Variants in THADA observed in about 807,000 individuals in gnomAD.
THADA encodes the protein THADA armadillo repeat containing.
In THADA, 213 loss-of-function variants were observed where a neutral mutation model predicts 219.8. The ratio of observed to expected loss-of-function variants is 0.97; its 90% CI spans 0.87 to 1.09. The LOEUF (loss-of-function observed/expected upper bound fraction) is 1.09, where lower values mean the gene tolerates loss of function less well. THADA is among the 50% of genes least tolerant of loss of function. The pLI, the probability that THADA is intolerant of heterozygous loss-of-function variation, is 0.00. For synonymous variants in THADA, 1,018 were observed against 828.9 expected (o/e 1.23, Z -3.92); for missense variants, 2,956 against 2,311.3 (o/e 1.28, Z -5.72).
intron 26 of THADA, among the ~76,000 whole-genome samples, chr2:43,472,763 T>C (rs1176425466): frequency 1.3e-5 from 2 of 152,200 alleles, no homozygotes; most frequent in East Asian, 1.9e-4. Flanking sequence ...ACCCATTACA[T>C]AGCTAGGCTA....
intron 26 of THADA, among the ~76,000 whole-genome samples, chr2:43,449,934 TC>T (rs1317702961): frequency 1.3e-5 from 2 of 152,108 alleles, no homozygotes; most frequent in African/African-American, 4.8e-5. Context: ...TGGCAAACGG[TC>T]CTTCAACTGT....
At chr2:43,435,806 A>G (rs1400733103) in intron 26 of THADA, among the ~76,000 whole-genome samples, 1 of 149,688 alleles carries the variant, frequency 6.7e-6, no homozygotes, top group Non-Finnish European at 1.5e-5. Context: ...AAAAAGAAAG[A>G]AAAGAAAAAA....
chr2:43,568,030 TG>T (rs556735216), intron 14 of THADA, among the ~76,000 whole-genome samples: 17 of 150,414 alleles, frequency 1.1e-4, no homozygotes, highest in Admixed American at 1.0e-3. Flanking sequence ...CTACTGGGGG[TG>T]GGGGGGAGAA....
At chr2:43,396,427 C>T (rs1674048543) in intron 29 of THADA, among the ~76,000 whole-genome samples, 1 of 152,148 alleles carries the variant, frequency 6.6e-6, no homozygotes, top group Admixed American at 6.5e-5. Flanking sequence ...TCCTTGGCTC[C>T]TTCAAGGCAA....
intron 29 of THADA, among the ~76,000 whole-genome samples, chr2:43,361,579 T>C (rs549797679): frequency 5.6e-4 from 85 of 152,350 alleles, no homozygotes; most frequent in African/African-American, 1.9e-3. Context: ...ATGTTCTTTT[T>C]TGGCAGGTGT....
chr2:43,261,685 G>C (rs933127824), intron 36 of THADA, among the ~76,000 whole-genome samples: 5 of 150,700 alleles, frequency 3.3e-5, no homozygotes, highest in African/African-American at 1.2e-4. Context: ...GCCCAGGCTG[G>C]AGTGAAATGG....
At position 43,560,224 on chromosome 2, in the gene THADA, G is replaced by C; in HGVS notation, c.2463+10C>G. The C allele has an allele frequency of 1.2e-6, 2 of 1,608,190 alleles. No homozygotes were observed. The highest frequency in any genetic ancestry group is 1.7e-6 in the Non-Finnish European group (2 of 1,177,678). ...CATATACCACATTTATACTAGAAAA[G>C]TCCTGATACCTGAAAATGTACAGCT... On this transcript the variant is annotated intron_variant, in intron 16 of 37. Coordinates refer to ENST00000405975, the MANE Select transcript of THADA (RefSeq NM_022065.5).
At chr2:43,408,278 A>G (rs1013154447) in intron 28 of THADA, 3 of 152,214 alleles carry the variant, frequency 2.0e-5, no homozygotes, top group Non-Finnish European at 4.4e-5. Context: ...CAAATCACTT[A>G]CAGTCATTCA....
intron 27 of THADA, among the ~76,000 whole-genome samples, 194 bp from the exon 28 acceptor site, chr2:43,428,425 C>T (rs763229508): frequency 6.6e-6 from 1 of 152,218 alleles, no homozygotes; most frequent in Non-Finnish European, 1.5e-5. Flanking sequence ...CTGGCCAATA[C>T]AGTAAAACCT....
chr2:43,449,664 G>A (rs533718344), intron 26 of THADA, among the ~76,000 whole-genome samples: 2 of 152,296 alleles, frequency 1.3e-5, no homozygotes, highest in East Asian at 3.9e-4. Context: ...AGCTACTTGG[G>A]AAGCTGAGGT....
chr2:43,236,977 C>T (rs1018922138), intron 36 of THADA, among the ~76,000 whole-genome samples: 1 of 148,332 alleles, frequency 6.7e-6, no homozygotes, highest in Non-Finnish European at 1.5e-5. Context: ...GAGGCTGAGG[C>T]AGGAGAATGG....
intron 22 of THADA, among the ~76,000 whole-genome samples, chr2:43,517,937 T>C (rs1691936103): frequency 6.6e-6 from 1 of 152,168 alleles, no homozygotes; most frequent in Non-Finnish European, 1.5e-5. Context: ...TTGGCGTTAG[T>C]GGTTCTCATT....
intron 36 of THADA, among the ~76,000 whole-genome samples, chr2:43,253,786 A>G (rs372123967): frequency 2.0e-5 from 3 of 152,152 alleles, no homozygotes; most frequent in African/African-American, 7.2e-5. Flanking sequence ...ATTAAACTGT[A>G]GCTGAATTAA....
chr2:43,403,506 G>C lies in THADA; in HGVS notation c.4059-5367C>G, dbSNP rs1675130250. 2.0e-5 allele frequency among the ~76,000 whole-genome samples: 3 copies of C among 152,194 alleles called. No homozygotes were observed. The South Asian group carries it at 6.2e-4, about 32-fold the overall frequency. On this transcript the variant is annotated intron_variant, in intron 28 of 37. Transcript: ENST00000405975. ...GGAACTTTAAGGCTCAGTAGCACTG[G>C]GCGAGTCCCTGCATGTCACAGGAAC...
At position 43,522,413 on chromosome 2, in the gene THADA, T is replaced by C. The variant is rs116523585; in HGVS notation, c.3374+5466A>G. Reference sequence around the variant, plus strand: ...ATACAATGACCAAATCTAAATTGAATTACCAATCAGAGGGCCATGGGGAGA... The same window carrying C: ...ATACAATGACCAAATCTAAATTGAACTACCAATCAGAGGGCCATGGGGAGA... On this transcript the variant is annotated intron_variant, in intron 22 of 37. Coordinates refer to ENST00000405975, the MANE Select transcript of THADA (RefSeq NM_022065.5). Among the ~76,000 whole-genome samples the C allele has an allele frequency of 3.0e-3, 464 of 152,166 alleles. 3 individuals are homozygous for C. The highest frequency in any genetic ancestry group is 9.8e-3 in the African/African-American group (408 of 41,518).
intron 26 of THADA, among the ~76,000 whole-genome samples, chr2:43,476,363 T>C (rs923193009): frequency 1.3e-5 from 2 of 152,160 alleles, no homozygotes; most frequent in Non-Finnish European, 2.9e-5. Context: ...GAAGCTTGCC[T>C]GGGGCTCATG....
At chr2:43,382,162 G>T (rs954794979) in intron 29 of THADA, among the ~76,000 whole-genome samples, 2 of 152,164 alleles carry the variant, frequency 1.3e-5, no homozygotes, top group Non-Finnish European at 2.9e-5. Flanking sequence ...ATGTAATGTG[G>T]TAACCTGGAT....
At chr2:43,249,763 C>A (rs1669625051) in intron 36 of THADA, among the ~76,000 whole-genome samples, 1 of 152,258 alleles carries the variant, frequency 6.6e-6, no homozygotes, top group South Asian at 2.1e-4. Flanking sequence ...TCAAGTGACC[C>A]TGAATCTTCT....
chr2:43,429,331 T>C (rs1298238282), intron 27 of THADA, among the ~76,000 whole-genome samples: 1 of 152,142 alleles, frequency 6.6e-6, no homozygotes, highest in African/African-American at 2.4e-5. Context: ...GGTCTTGAAC[T>C]CCTGACCTCA....
Sources: allele counts gnomAD v4.1 joint callset (sites outside exome capture counted in the v4.1 genomes callset), GRCh38; gene constraint gnomAD v4.1.1; transcripts MANE v1.5; gene names NCBI Gene and HGNC (gene_info 2026-07-23, HGNC 2026-07-21).